The following AKAP13 variants were observed in gnomAD, a reference collection of about 807,000 sequenced individuals.
The protein encoded by AKAP13 is A-kinase anchoring protein 13, also known as A-kinase anchor protein 13.
In AKAP13, 80 loss-of-function variants were observed where a neutral mutation model predicts 264.5. The observed-to-expected ratio is 0.30, with a 90% CI of 0.25 to 0.36. The LOEUF is 0.36. Ranked by LOEUF, AKAP13 falls within the 10% of genes least tolerant of loss-of-function variation. AKAP13 has a pLI of 1.00. For missense variants in AKAP13, 3,712 were observed against 3,435.2 expected, an observed-to-expected ratio of 1.08 and a Z score of -2.01; for synonymous variants, 1,380 against 1,250.2, an observed-to-expected ratio of 1.10 and a Z score of -2.19.
intron 17 of AKAP13, among the ~76,000 whole-genome samples, chr15:85,704,501 A>C (rs2086116978): frequency 6.6e-6 from 1 of 152,214 alleles, no homozygotes; most frequent in Non-Finnish European, 1.5e-5. Context: ...GTTTCCAGTC[A>C]TGTGGGTTTA....
rs141469884 is a variant in AKAP13, at chr15:85,654,349, A to G, written c.4375-1068A>G. Among the ~76,000 whole-genome samples the G allele has an allele frequency of 5.2e-3, 798 of 152,302 alleles. 12 individuals carry two copies. The highest frequency in any genetic ancestry group is 0.019 in the African/African-American group (770 of 41,562). ...TTCCTTTTGGAATATTAATTTCAGC[A>G]TATTATTATTGTAGCCAAGCAGACT... On this transcript the variant is annotated intron_variant, in intron 10 of 36. Coordinates refer to ENST00000394518, the MANE Select transcript of AKAP13 (RefSeq NM_007200.5).
intron 1 of AKAP13, among the ~76,000 whole-genome samples, chr15:85,432,414 T>A (rs375222199): frequency 6.6e-6 from 1 of 152,320 alleles, no homozygotes; most frequent in South Asian, 2.1e-4. Flanking sequence ...AAACATTTTT[T>A]ATGCAGAAAG....
intron 18 of AKAP13, among the ~76,000 whole-genome samples, chr15:85,709,796 T>G (rs1011104722): frequency 2.6e-5 from 4 of 152,102 alleles, no homozygotes; most frequent in Admixed American, 6.5e-5. Context: ...CAAGCAATTC[T>G]CTTGCCTCAG....
chr15:85,400,532 A>G (rs779729642), intron 1 of AKAP13, among the ~76,000 whole-genome samples: 2 of 152,236 alleles, frequency 1.3e-5, no homozygotes, highest in South Asian at 4.1e-4. Flanking sequence ...AAAACAAGCA[A>G]ATTAAACATT....
intron 1 of AKAP13, among the ~76,000 whole-genome samples, chr15:85,438,467 C>CT (rs1875312688): frequency 6.6e-6 from 1 of 150,982 alleles, no homozygotes; most frequent in South Asian, 2.1e-4. Context: ...GAAAAAACTA[C>CT]TTTAAAGTTC....
intron 30 of AKAP13, among the ~76,000 whole-genome samples, chr15:85,731,933 A>G (rs192810558): frequency 6.6e-6 from 1 of 152,230 alleles, no homozygotes; most frequent in East Asian, 1.9e-4. Flanking sequence ...AAATACAAAA[A>G]TTAGCCAGGT....
intron 1 of AKAP13, among the ~76,000 whole-genome samples, chr15:85,414,375 T>TA (rs957764955): frequency 1.3e-4 from 19 of 151,646 alleles, no homozygotes; most frequent in Admixed American, 2.6e-4. Flanking sequence ...AGTAGCACAG[T>TA]AAAAAAAAAT....
chr15:85,643,960 C>T (rs2082426844), intron 9 of AKAP13, among the ~76,000 whole-genome samples: 1 of 152,146 alleles, frequency 6.6e-6, no homozygotes, highest in Admixed American at 6.5e-5. Flanking sequence ...CAGGACTGTC[C>T]CCGTTTTGGA....
intron 1 of AKAP13, among the ~76,000 whole-genome samples, chr15:85,399,884 G>A (rs1029968536): frequency 1.3e-5 from 2 of 152,204 alleles, no homozygotes; most frequent in Non-Finnish European, 2.9e-5. Context: ...AAAGAGCCCT[G>A]TGAAAGATGA....
chr15:85,429,077 G>C (rs542280636), intron 1 of AKAP13, among the ~76,000 whole-genome samples: 1 of 152,224 alleles, frequency 6.6e-6, no homozygotes, highest in Non-Finnish European at 1.5e-5. Flanking sequence ...TCAAAATCTT[G>C]ACTGAAAAGA....
intron 5 of AKAP13, among the ~76,000 whole-genome samples, chr15:85,565,560 G>A (rs142656184): frequency 3.3e-5 from 5 of 152,306 alleles, no homozygotes; most frequent in African/African-American, 9.6e-5. Context: ...ATTACCAACT[G>A]TAGATGTAGG....
intron 5 of AKAP13, among the ~76,000 whole-genome samples, chr15:85,564,913 A>AGT (rs1442599926): frequency 6.6e-6 from 1 of 152,160 alleles, no homozygotes; most frequent in Non-Finnish European, 1.5e-5. Context: ...AGATTGTTAT[A>AGT]GTGCAGTTCA....
chr15:85,517,849 C>T (rs1045008337), intron 2 of AKAP13, among the ~76,000 whole-genome samples: 2 of 152,068 alleles, frequency 1.3e-5, no homozygotes, highest in Non-Finnish European at 2.9e-5. Flanking sequence ...AAAAAATTGT[C>T]AGTTGCAGGG....
intron 8 of AKAP13, 56 bp downstream of exon 8, chr15:85,585,879 G>A (rs949933740): frequency 1.9e-6 from 3 of 1,591,300 alleles, no homozygotes; most frequent in Admixed American, 1.7e-5. Flanking sequence ...CTGTTCTGCT[G>A]TGTCTTATTT....
chr15:85,598,170 A>G (rs1300690035), intron 8 of AKAP13, among the ~76,000 whole-genome samples: 1 of 152,098 alleles, frequency 6.6e-6, no homozygotes, highest in East Asian at 1.9e-4. Flanking sequence ...GCCTGAAGAC[A>G]ATGGGTTGGT....
intron 17 of AKAP13, among the ~76,000 whole-genome samples, chr15:85,701,531 C>A (rs2085913182): frequency 6.6e-6 from 1 of 152,102 alleles, no homozygotes; most frequent in Non-Finnish European, 1.5e-5. Flanking sequence ...CCTCCTCCTC[C>A]CAGGTTCAAG....
In AKAP13 at chr15:85,631,937, T is replaced by G. The variant is rs181847592; in HGVS notation, c.4162-7437T>G. Among the ~76,000 whole-genome samples, 66 of 152,338 alleles carry G rather than the reference T, an allele frequency of 4.3e-4. 1 individual carries two copies. Among genetic ancestry groups the G allele is most frequent in the African/African-American group, 1.6e-3 (65 of 41,576 alleles). On this transcript the variant is annotated intron_variant, in intron 8 of 36. Transcript: ENST00000394518. The stretch of plus-strand genomic sequence containing the variant: ...CAGGAAAGTTAAAAGGAATATAAGT[T>G]GTCTCTTTGTGGTCGTTCAGACATA...
intron 1 of AKAP13, among the ~76,000 whole-genome samples, chr15:85,448,773 A>C (rs1242759460): frequency 2.7e-5 from 4 of 149,030 alleles, no homozygotes; most frequent in Non-Finnish European, 5.9e-5. Flanking sequence ...TGTAGCCTTT[A>C]GTATAGTTTG....
chr15:85,606,114 T>TTTTTTTTTG (rs1596687944), intron 8 of AKAP13, among the ~76,000 whole-genome samples: 1 of 142,594 alleles, frequency 7.0e-6, no homozygotes, highest in Non-Finnish European at 1.5e-5. Flanking sequence ...TTTTTTTTTT[T>TTTTTTTTTG]TTGTTGAGAT....
Sources: allele counts gnomAD v4.1 joint callset (sites outside exome capture counted in the v4.1 genomes callset), GRCh38; gene constraint gnomAD v4.1.1; transcripts MANE v1.5; gene names NCBI Gene and HGNC (gene_info 2026-07-23, HGNC 2026-07-21).